The following LUC7L2 variants were observed in gnomAD, a reference collection of about 807,000 sequenced individuals.
The protein encoded by LUC7L2 is putative RNA-binding protein Luc7-like 2.
A neutral mutation model predicts 52.8 loss-of-function variants in LUC7L2; 25 were observed. That is an observed-to-expected ratio of 0.47 (90% confidence interval 0.34 to 0.66). LUC7L2 has a LOEUF of 0.66. Ranked by LOEUF, LUC7L2 falls within the 30% of genes least tolerant of loss-of-function variation. LUC7L2 has a pLI of 0.01. For missense variants in LUC7L2, 328 were observed against 497.8 expected, an observed-to-expected ratio of 0.66 and a Z score of 3.25; for synonymous variants, 144 against 160.9, an observed-to-expected ratio of 0.89 and a Z score of 0.80.
chr7:139,389,331 T>G (rs1409686854), intron 2 of LUC7L2, among the ~76,000 whole-genome samples: 1 of 152,206 alleles, frequency 6.6e-6, no homozygotes, highest in Non-Finnish European at 1.5e-5. Context: ...CACCATCTAG[T>G]CAGAGGCTGT....
intron 3 of LUC7L2, among the ~76,000 whole-genome samples, chr7:139,399,885 C>T (rs139679295): frequency 3.4e-5 from 5 of 149,158 alleles, no homozygotes; most frequent in Admixed American, 1.3e-4. Flanking sequence ...ATATGAAAAT[C>T]GTTTGCATAA....
At chr7:139,399,762 C>G (rs1794823325) in intron 3 of LUC7L2, among the ~76,000 whole-genome samples, 1 of 151,946 alleles carries the variant, frequency 6.6e-6, no homozygotes, top group South Asian at 2.1e-4. Flanking sequence ...AGCCACGGCA[C>G]CCGGCCGTTT....
In LUC7L2 at chr7:139,360,214, G is replaced by T. The variant is rs1569366135; in HGVS notation, c.-48G>T. 1.4e-6 allele frequency: 2 copies of T among 1,478,014 alleles called. No individual in the cohort carries two copies. The highest frequency in any genetic ancestry group is 1.4e-5 in the African/African-American group (1 of 70,948). The allele number at this position is 1,478,014 out of a possible 1,614,324, so 91.6% of individuals were successfully genotyped here. A position where few individuals can be genotyped will look rare whatever the true frequency, so the allele number is the denominator to read the frequency against. ...TCCCCTTATCCCCCAGCCCAAAAGG[G>T]CCCGGTCTGCGCCCCACCCCCGCCC... is the stretch of plus-strand genomic sequence containing the variant. On this transcript the variant is annotated 5_prime_UTR_variant, in exon 1 of 10. Coordinates refer to ENST00000354926, the MANE Select transcript of LUC7L2 (RefSeq NM_016019.5).
intron 1 of LUC7L2, among the ~76,000 whole-genome samples, chr7:139,364,535 C>G (rs953657933): frequency 6.6e-6 from 1 of 152,150 alleles, no homozygotes; most frequent in South Asian, 2.1e-4. Context: ...GATATACTTC[C>G]TCAGTTAACA....
At chr7:139,400,997 A>G (rs1260125552) in intron 3 of LUC7L2, among the ~76,000 whole-genome samples, 2 of 152,222 alleles carry the variant, frequency 1.3e-5, no homozygotes, top group African/African-American at 2.4e-5. Context: ...TGTATCTTGA[A>G]TTAGTTATAT....
chr7:139,417,568 A>G lies in LUC7L2; in HGVS notation c.840A>G (p.Arg280=). Reference sequence around the variant, plus strand: ...GGTCCAGAGAGCATCGCAGACATCGATCTCGCTCCATGTCACGTGAACGCA... The same window carrying G: ...GGTCCAGAGAGCATCGCAGACATCGGTCTCGCTCCATGTCACGTGAACGCA... ...RSRSREHRRH[R]SRSMSRERKR... The change falls in exon 9 of 10, where the codon CGA becomes CGG. Residue 280 remains arginine, a synonymous_variant. Transcript: ENST00000354926. 1 of 1,614,168 alleles carries G rather than the reference A, an allele frequency of 6.2e-7. No individual in the cohort carries two copies. The highest frequency in any genetic ancestry group is 8.5e-7 in the Non-Finnish European group (1 of 1,180,028).
chr7:139,342,319 G>A (rs764126731), intron 1 of LUC7L2, among the ~76,000 whole-genome samples: 1 of 152,110 alleles, frequency 6.6e-6, no homozygotes, highest in Non-Finnish European at 1.5e-5. Flanking sequence ...GTTTTCCGGA[G>A]GAAATTAATC....
At chr7:139,371,571 G>A (rs1041892451) in intron 1 of LUC7L2, 46 of 1,275,572 alleles carry the variant, frequency 3.6e-5, no homozygotes, top group Non-Finnish European at 4.5e-5. Flanking sequence ...GGGGGAGGGG[G>A]CGGATATTGG....
At chr7:139,377,847 T>G (rs1423821248) in intron 2 of LUC7L2, among the ~76,000 whole-genome samples, 1 of 127,936 alleles carries the variant, frequency 7.8e-6, no homozygotes, top group Non-Finnish European at 1.6e-5. Flanking sequence ...TTTTTTTTTT[T>G]GAGACAAGAG....
intron 5 of LUC7L2, 22 bp from the exon 6 acceptor site, chr7:139,407,152 T>C (rs1569391208): frequency 1.3e-6 from 2 of 1,598,552 alleles, no homozygotes; most frequent in Non-Finnish European, 1.7e-6. Flanking sequence ...ATATGGTCAT[T>C]GTTTTTCTCA....
At chr7:139,414,979 C>G (rs1459542866) in intron 8 of LUC7L2, among the ~76,000 whole-genome samples, 1 of 151,774 alleles carries the variant, frequency 6.6e-6, no homozygotes, top group Admixed American at 6.6e-5. Context: ...CTCCGCCTCC[C>G]AGGTTCAAGT....
At chr7:139,374,264 C>T (rs536020126) in intron 1 of LUC7L2, 2 of 643,584 alleles carry the variant, frequency 3.1e-6, no homozygotes, top group South Asian at 4.4e-5. Flanking sequence ...AATGAAACAC[C>T]CTGATTTTGT....
intron 1 of LUC7L2, chr7:139,371,563 G>T: frequency 7.7e-7 from 1 of 1,304,736 alleles, no homozygotes; most frequent in Non-Finnish European, 1.1e-6. Flanking sequence ...TAGTACTGGG[G>T]GGAGGGGGCG....
chr7:139,385,291 G>C lies in LUC7L2; in HGVS notation c.156+9135G>C, dbSNP rs1461601364. ...TTTGAAGGACATCTTCAAAAGTCTT[G>C]AATCTATCAGTTAGGATTACTTTTT... On this transcript the variant is annotated intron_variant, in intron 2 of 9. Coordinates refer to ENST00000354926, the MANE Select transcript of LUC7L2 (RefSeq NM_016019.5). 5.1e-5 allele frequency among the ~76,000 whole-genome samples: 7 copies of C among 136,682 alleles called. No homozygotes were observed. In the East Asian group the frequency reaches 1.6e-3, roughly 31 times the overall value. The allele number at this position is 136,682 out of a possible 152,430, so 89.7% of individuals were successfully genotyped here.
chr7:139,422,065 A>AT, intron 9 of LUC7L2, 98 bp from the exon 10 acceptor site: 1 of 1,466,568 alleles, frequency 6.8e-7, no homozygotes, highest in South Asian at 1.5e-5. Flanking sequence ...ATTCGTCTAT[A>AT]TATCTTCAGC....
chr7:139,416,040 AATATATATATATAT>A (rs66498771), intron 8 of LUC7L2: 1,528 of 97,744 alleles, frequency 0.016, 33 homozygotes, highest in Non-Finnish European at 0.027. Flanking sequence ...TGAGGTATAA[AATATATATATATAT>A]ATATATATAT....
intron 1 of LUC7L2, among the ~76,000 whole-genome samples, chr7:139,348,063 T>G (rs1329498370): frequency 1.3e-5 from 2 of 152,146 alleles, no homozygotes; most frequent in Non-Finnish European, 2.9e-5. Flanking sequence ...ATACTGATAT[T>G]TTACTTTGGT....
At chr7:139,414,044 C>T (rs1795483845) in intron 8 of LUC7L2, among the ~76,000 whole-genome samples, 1 of 152,092 alleles carries the variant, frequency 6.6e-6, no homozygotes. Flanking sequence ...GATATTTGGG[C>T]CAGAAATTTA....
Position 139,412,533 on chromosome 7 carries a change from CAT to C in LUC7L2, c.780-15_780-14del. 6.4e-7 allele frequency: 1 copy of C among 1,552,614 alleles called. No individual in the cohort carries two copies. The highest frequency in any genetic ancestry group is 1.2e-5 in the South Asian group (1 of 85,350). ...ATTTATAGCCACTTTTCTAAAAATA[CAT>C]ATTTTTTTTTTTTAGGTCCCGATCA... On this transcript the variant is annotated splice_polypyrimidine_tract_variant and intron_variant, in intron 7 of 9. Transcript: ENST00000354926.
Sources: gnomAD v4.1 joint callset for allele counts (sites outside exome capture counted in the v4.1 genomes callset) on GRCh38, gnomAD v4.1.1 for gene constraint, MANE v1.5 for transcripts, NCBI Gene and HGNC (gene_info 2026-07-23, HGNC 2026-07-21) for gene names.